EML6: variants seen among roughly 807,000 people sequenced by gnomAD.
The protein encoded by EML6 is EMAP like 6.
EML6 carries 154 observed loss-of-function variants against 240.1 expected under a neutral mutation model. The ratio of observed to expected loss-of-function variants is 0.64; its 90% CI spans 0.56 to 0.73. The LOEUF (loss-of-function observed/expected upper bound fraction) is 0.73. Among genes scored for constraint, EML6 ranks in the 30% least tolerant of loss-of-function variants. The pLI is 0.00. For missense variants in EML6, 2,964 were observed against 2,474.6 expected, an observed-to-expected ratio of 1.20 and a Z score of -4.20; for synonymous variants, 1,148 against 899.0, an observed-to-expected ratio of 1.28 and a Z score of -4.95.
chr2:54,813,751 T>G (rs548362638), intron 3 of EML6, among the ~76,000 whole-genome samples: 4 of 152,354 alleles, frequency 2.6e-5, no homozygotes, highest in African/African-American at 9.6e-5. Flanking sequence ...CGTCAAGCCC[T>G]GAGCATGTCT....
At chr2:54,901,243 T>TG (rs1673041985) in intron 22 of EML6, among the ~76,000 whole-genome samples, 1 of 152,202 alleles carries the variant, frequency 6.6e-6, no homozygotes, top group Non-Finnish European at 1.5e-5. Flanking sequence ...CCATGCAGTG[T>TG]GACTGTGAGA....
chr2:54,736,298 T>A (rs1683388389), intron 2 of EML6, among the ~76,000 whole-genome samples: 1 of 152,218 alleles, frequency 6.6e-6, no homozygotes, highest in Non-Finnish European at 1.5e-5. Flanking sequence ...TTTCTTCTGA[T>A]TCCTTTCTCC....
At chr2:54,967,217 T>G in intron 39 of EML6, 114 bp downstream of exon 39, 1 of 699,088 alleles carries the variant, frequency 1.4e-6, no homozygotes. Flanking sequence ...AATGGAGCTG[T>G]CTTTTCTTTT....
rs1047198804 is a variant in EML6 at position 54,813,490 on chromosome 2, G to C, written c.357+99G>C. On this transcript the variant is annotated intron_variant, in intron 3 of 41. Transcript: ENST00000356458. ...GTAGATTCAAAGTCCATCAACCCTT[G>C]CTGGTTCTTCTGGCACAGCCTCCTA... 3.8e-6 allele frequency: 4 copies of C among 1,052,622 alleles called. No individual in the cohort carries two copies. The African/African-American group carries it at 6.5e-5, about 17-fold the overall frequency. The allele number at this position is 1,052,622 out of a possible 1,614,324, so 65.2% of individuals were successfully genotyped here.
intron 7 of EML6, among the ~76,000 whole-genome samples, chr2:54,837,787 C>A (rs1669232247): frequency 6.6e-6 from 1 of 152,168 alleles, no homozygotes; most frequent in Non-Finnish European, 1.5e-5. Context: ...TTGCTCTGGT[C>A]CAGACCAACT....
At chr2:54,950,235 C>G (rs1050252603) in intron 29 of EML6, among the ~76,000 whole-genome samples, 1 of 152,248 alleles carries the variant, frequency 6.6e-6, no homozygotes, top group African/African-American at 2.4e-5. Flanking sequence ...ATGTTCTGCT[C>G]TACCCACCCT....
intron 21 of EML6, among the ~76,000 whole-genome samples, chr2:54,897,361 A>G (rs1029481257): frequency 4.6e-5 from 7 of 152,200 alleles, no homozygotes; most frequent in East Asian, 1.9e-4. Context: ...AACCACAGCA[A>G]TCATATATTG....
chr2:54,899,389 C>T (rs144788063), intron 21 of EML6, among the ~76,000 whole-genome samples: 132 of 152,244 alleles, frequency 8.7e-4, no homozygotes, highest in African/African-American at 3.0e-3. Flanking sequence ...ATAAACAAAA[C>T]CAATAAGCAA....
chr2:54,828,447 C>G (rs1042016776), intron 6 of EML6, among the ~76,000 whole-genome samples: 4 of 152,194 alleles, frequency 2.6e-5, no homozygotes, highest in African/African-American at 9.6e-5. Flanking sequence ...CAAAGCCTAT[C>G]ATAGTGAATG....
chr2:54,895,185 C>T, intron 20 of EML6, 88 bp from the exon 21 acceptor site: 1 of 1,432,478 alleles, frequency 7.0e-7, no homozygotes, highest in Non-Finnish European at 9.6e-7. Context: ...CTGCCTAGTA[C>T]CTAGTTCTTT....
intron 39 of EML6, among the ~76,000 whole-genome samples, chr2:54,967,825 T>G (rs1676814404): frequency 6.6e-6 from 1 of 152,150 alleles, no homozygotes; most frequent in African/African-American, 2.4e-5. Flanking sequence ...ATAAGGAGCT[T>G]GCAACCTAGA....
At chr2:54,861,830 G>T (rs894956107) in intron 12 of EML6, among the ~76,000 whole-genome samples, 1 of 149,940 alleles carries the variant, frequency 6.7e-6, no homozygotes, top group Admixed American at 6.7e-5. Context: ...TGACAATGAA[G>T]AAATGAAATT....
chr2:54,781,571 C>T (rs1487848871), intron 2 of EML6, among the ~76,000 whole-genome samples: 1 of 152,002 alleles, frequency 6.6e-6, no homozygotes, highest in Non-Finnish European at 1.5e-5. Context: ...TTAGAGATTG[C>T]TAAATATGTT....
At position 54,797,625 on chromosome 2, in the gene EML6, TAA is replaced by T. The variant is rs34160986; in HGVS notation, c.198-15595_198-15594del. On this transcript the variant is annotated intron_variant, in intron 2 of 41. Transcript: ENST00000356458. ...CAACATGTAGAAAACTTCTTTATTG[TAA>T]AAAAAAAAAAATGCTAGCAATAGTT... Among the ~76,000 whole-genome samples the T allele has an allele frequency of 2.1e-3, 311 of 148,630 alleles. 1 individual carries two copies. Among genetic ancestry groups the T allele is most frequent in the African/African-American group, 4.5e-3 (182 of 40,730 alleles).
chr2:54,765,741 TCATGCATTCTTTTTAGTTTAGTCC>T (rs1013990281), intron 2 of EML6, among the ~76,000 whole-genome samples: 7 of 152,244 alleles, frequency 4.6e-5, no homozygotes, highest in African/African-American at 1.7e-4. Flanking sequence ...ATTACAGGCG[TCATGCATTCTTTTTAGTTTAGTCC>T]CTATGGTACC....
chr2:54,726,893 A>T (rs915735063), intron 2 of EML6, among the ~76,000 whole-genome samples: 1 of 152,212 alleles, frequency 6.6e-6, no homozygotes, highest in African/African-American at 2.4e-5. Context: ...TAAACAGAAA[A>T]TTCTCTGTGG....
At chr2:54,879,501 GT>G (rs1558642677) in intron 16 of EML6, 45 bp from the exon 17 acceptor site, 1 of 1,291,250 alleles carries the variant, frequency 7.7e-7, no homozygotes, top group South Asian at 1.3e-5. Context: ...GAAATGTTTT[GT>G]TTTTTCATGG....
rs1676646706 is a variant in EML6 at position 54,964,119 on chromosome 2, G to C, written c.5291G>C (p.Gly1764Ala). 2 of 1,551,370 alleles carry C rather than the reference G, an allele frequency of 1.3e-6. No individual in the cohort carries two copies. Among genetic ancestry groups the C allele is most frequent in the Non-Finnish European group, 1.7e-6 (2 of 1,146,944 alleles). Residue 1764 changes from glycine (G) to alanine (A), a missense_variant, in exon 37 of 42, where the codon GGG becomes GCG. Coordinates refer to ENST00000356458, the MANE Select transcript of EML6 (RefSeq NM_001039753.4). Reference protein sequence around the residue: ...ILLVNSLKVWGKKRDRKSAIQ... With the variant: ...ILLVNSLKVWAKKRDRKSAIQ... The stretch of plus-strand genomic sequence containing the variant: ...TTGGTGAACAGCCTGAAAGTTTGGG[G>C]GAAAAAACGAGACCGGAAATCTGCT...
chr2:54,750,136 C>T (rs1037204740), intron 2 of EML6, among the ~76,000 whole-genome samples: 4 of 152,196 alleles, frequency 2.6e-5, no homozygotes, highest in African/African-American at 9.7e-5. Context: ...CGTGCACTGT[C>T]CACAATACCC....
Sources: allele counts gnomAD v4.1 joint callset (sites outside exome capture counted in the v4.1 genomes callset), GRCh38; gene constraint gnomAD v4.1.1; transcripts MANE v1.5; gene names NCBI Gene and HGNC (gene_info 2026-07-23, HGNC 2026-07-21).